The following IRAK1BP1 variants were observed in gnomAD, a reference collection of about 807,000 sequenced individuals.
IRAK1BP1 encodes the protein interleukin-1 receptor-associated kinase 1-binding protein 1.
A neutral mutation model predicts 28.0 loss-of-function variants in IRAK1BP1; 24 were observed. That is an observed-to-expected ratio of 0.86 (90% CI 0.62 to 1.20). The LOEUF is 1.20. IRAK1BP1 is among the 50% of genes most tolerant of loss of function. IRAK1BP1 has a pLI of 0.00. For synonymous variants in IRAK1BP1, 131 were observed against 116.3 expected, an observed-to-expected ratio of 1.13 and a Z score of -0.81; for missense variants, 336 against 316.7, an observed-to-expected ratio of 1.06 and a Z score of -0.46.
At position 78,897,896 on chromosome 6, in the gene IRAK1BP1, A is replaced by C. The variant is rs976717515; in HGVS notation, c.449A>C (p.Asp150Ala). ...NICNFLVEKL[D>A]SSVVISPPQF... ...TGTAACTTTCTTGTTGAAAAGCTAG[A>C]TAGCTCTGTTGTCATCAGCCCACCC... is the stretch of plus-strand genomic sequence containing the variant. Residue 150 changes from aspartate to alanine, a missense_variant, in exon 3 of 4, where the codon GAT becomes GCT. Coordinates refer to ENST00000369940, the MANE Select transcript of IRAK1BP1 (RefSeq NM_001010844.4). The C allele has an allele frequency of 3.7e-6, 6 of 1,613,846 alleles. No individual in the cohort carries two copies. The Admixed American group carries it at 5.0e-5, about 13-fold the overall frequency.
At chr6:78,940,548 G>GTTTTTT (rs36155238) in intron 4 of IRAK1BP1, 1,627 of 82,698 alleles carry the variant, frequency 0.02, 253 homozygotes, top group African/African-American at 0.036. Flanking sequence ...TCGTAAGTTT[G>GTTTTTT]TTTTTTTTTT....
chr6:78,970,836 T>C, the IRAK1BP1 span: 17 of 1,612,142 alleles, frequency 1.1e-5, no homozygotes, highest in Non-Finnish European at 1.4e-5. Context: ...ATATATTTTA[T>C]TTTTCCGGGC....
intron 4 of IRAK1BP1, among the ~76,000 whole-genome samples, chr6:78,927,587 G>A (rs1464711433): frequency 7.2e-5 from 11 of 151,906 alleles, no homozygotes; most frequent in Non-Finnish European, 1.3e-4. Flanking sequence ...GTGGTTGTGT[G>A]TTACTCAAGA....
chr6:78,951,580 A>C, the IRAK1BP1 span, among the ~76,000 whole-genome samples: 97 of 152,326 alleles, frequency 6.4e-4, 1 homozygote, highest in South Asian at 8.1e-3. Context: ...CAAAACAACA[A>C]ACCTCCATCA....
downstream of IRAK1BP1, among the ~76,000 whole-genome samples, chr6:78,905,726 C>A (rs1222402334): frequency 6.6e-6 from 1 of 152,064 alleles, no homozygotes; most frequent in South Asian, 2.1e-4. Context: ...CTCAGCCTCT[C>A]GAGTAGCTGG....
At chr6:78,975,812 T>A in the IRAK1BP1 span, among the ~76,000 whole-genome samples, 4 of 150,500 alleles carry the variant, frequency 2.7e-5, no homozygotes, top group African/African-American at 9.7e-5. Flanking sequence ...GAATCCAACT[T>A]ACAAGGGATG....
At chr6:78,955,169 AG>A in the IRAK1BP1 span, 1 of 1,158,252 alleles carries the variant, frequency 8.6e-7, no homozygotes, top group Non-Finnish European at 1.2e-6. Flanking sequence ...AAAAAAATAA[AG>A]AAAGCTCTTA....
chr6:78,926,819 C>T (rs1391298215), intron 4 of IRAK1BP1, among the ~76,000 whole-genome samples: 3 of 152,080 alleles, frequency 2.0e-5, no homozygotes, highest in East Asian at 1.9e-4. Context: ...CTGTGCCTGG[C>T]TTATTTCCCT....
the IRAK1BP1 span, among the ~76,000 whole-genome samples, chr6:78,974,750 C>T: frequency 9.9e-5 from 15 of 151,908 alleles, no homozygotes; most frequent in East Asian, 1.9e-4. Flanking sequence ...AACACTTCTA[C>T]GCAAATAAAC....
chr6:78,933,902 G>T (rs1444816974), intron 4 of IRAK1BP1, among the ~76,000 whole-genome samples: 1 of 151,950 alleles, frequency 6.6e-6, no homozygotes, highest in Non-Finnish European at 1.5e-5. Context: ...CTTTTCCTTT[G>T]CTTACACAAC....
chr6:78,896,839 A>G (rs1351079602), intron 2 of IRAK1BP1, among the ~76,000 whole-genome samples: 1 of 147,704 alleles, frequency 6.8e-6, no homozygotes, highest in Admixed American at 6.8e-5. Context: ...AAAAAAAAAA[A>G]TTATGATTAA....
At chr6:78,944,028 C>T (rs1328235353) in intron 4 of IRAK1BP1, among the ~76,000 whole-genome samples, 1 of 135,976 alleles carries the variant, frequency 7.4e-6, no homozygotes, top group Non-Finnish European at 1.6e-5. Flanking sequence ...GTGCTTGATT[C>T]TATCTAAAGA....
chr6:78,934,889 T>C (rs1773210284), intron 4 of IRAK1BP1, among the ~76,000 whole-genome samples: 1 of 152,152 alleles, frequency 6.6e-6, no homozygotes, highest in Non-Finnish European at 1.5e-5. Context: ...ACCAATTAGG[T>C]AGAAAGGTAT....
intron 4 of IRAK1BP1, among the ~76,000 whole-genome samples, chr6:78,922,579 A>G (rs1041922265): frequency 2.6e-5 from 4 of 152,176 alleles, no homozygotes; most frequent in African/African-American, 9.7e-5. Context: ...AGAGTGCCAC[A>G]AAGGTACTCC....
intron 2 of IRAK1BP1, among the ~76,000 whole-genome samples, chr6:78,896,718 G>A (rs975710699): frequency 2.0e-5 from 3 of 151,806 alleles, no homozygotes; most frequent in African/African-American, 7.3e-5. Flanking sequence ...CCAGCTACTC[G>A]GGGGGCTGAG....
At chr6:78,960,638 T>C in the IRAK1BP1 span, among the ~76,000 whole-genome samples, 1 of 152,016 alleles carries the variant, frequency 6.6e-6, no homozygotes, top group Non-Finnish European at 1.5e-5. Context: ...CTTTAGAAAC[T>C]AAAGTCTAAT....
chr6:78,947,845 C>A, downstream of IRAK1BP1: 1 of 1,066,454 alleles, frequency 9.4e-7, no homozygotes, highest in South Asian at 1.6e-5. Flanking sequence ...TGCAGGGATT[C>A]GCACAGGATT....
At chr6:78,931,666 A>G (rs933318359) in intron 4 of IRAK1BP1, among the ~76,000 whole-genome samples, 1 of 152,210 alleles carries the variant, frequency 6.6e-6, no homozygotes. Flanking sequence ...TCTTAAAAAC[A>G]ATGTACATAT....
At chr6:78,962,309 T>C in the IRAK1BP1 span, among the ~76,000 whole-genome samples, 1 of 152,158 alleles carries the variant, frequency 6.6e-6, no homozygotes, top group Non-Finnish European at 1.5e-5. Context: ...ATACACACCG[T>C]AAAGTTGTAC....
Sources: gnomAD v4.1 joint callset for allele counts (sites outside exome capture counted in the v4.1 genomes callset) on GRCh38, gnomAD v4.1.1 for gene constraint, MANE v1.5 for transcripts, NCBI Gene and HGNC (gene_info 2026-07-23, HGNC 2026-07-21) for gene names.